TENT4B: variants seen among roughly 807,000 people sequenced by gnomAD.
TENT4B encodes terminal nucleotidyltransferase 4B, also known as PAP associated domain containing 5.
TENT4B carries 10 observed loss-of-function variants against 75.0 expected under a neutral mutation model. That is an observed-to-expected ratio of 0.13 (90% confidence interval 0.08 to 0.23). The LOEUF (loss-of-function observed/expected upper bound fraction) is 0.23, where lower values mean the gene tolerates loss of function less well. TENT4B is among the 10% of genes least tolerant of loss of function. The probability of loss-of-function intolerance (pLI) is 1.00; values close to 1 mark genes in which losing one functional copy is unlikely to be tolerated. For synonymous variants in TENT4B, 350 were observed against 357.7 expected (o/e 0.98, Z 0.24); for missense variants, 579 against 893.8 (o/e 0.65, Z 4.49).
chr16:50,222,206 C>T (rs761790062), intron 5 of TENT4B, 100 bp from the exon 6 acceptor site: 1 of 1,129,548 alleles, frequency 8.9e-7, no homozygotes, highest in Non-Finnish European at 1.2e-6. Flanking sequence ...TTGTATATCT[C>T]TACCAAATTT....
Position 50,153,502 on chromosome 16 carries a change from G to A in TENT4B, c.-120G>A. On this transcript the variant is annotated 5_prime_UTR_variant, in exon 1 of 12. Transcript: ENST00000561678. Reference sequence around the variant, plus strand: ...CGGCGGGCCCCGAGCAGCAGCAGCAGCAGCAGCGGCAGCAGCGGCAGCAGC... The same window carrying A: ...CGGCGGGCCCCGAGCAGCAGCAGCAACAGCAGCGGCAGCAGCGGCAGCAGC... 1 of 251,056 alleles carries A rather than the reference G, an allele frequency of 4.0e-6. No individual in the cohort carries two copies. Among genetic ancestry groups the A allele is most frequent in the Non-Finnish European group, 6.2e-6 (1 of 161,966 alleles). The allele number at this position is 251,056 out of a possible 1,614,324, so 15.6% of individuals were successfully genotyped here.
chr16:50,234,330 G>A lies in TENT4B; in HGVS notation c.*5002G>A. ...GGAATTGGGTAGGGGAGGGAAAGGAGGACTTGGAAAAGCATTCTCCAAAGC... is the reference window on the plus strand; with the variant it reads ...GGAATTGGGTAGGGGAGGGAAAGGAAGACTTGGAAAAGCATTCTCCAAAGC... On this transcript the variant is annotated 3_prime_UTR_variant, in exon 12 of 12. Transcript: ENST00000561678. 2 of 978,420 alleles carry A rather than the reference G, an allele frequency of 2.0e-6. No homozygotes were observed. Among genetic ancestry groups the A allele is most frequent in the Non-Finnish European group, 2.4e-6 (2 of 827,726 alleles). 60.6% of individuals were successfully genotyped at this position (978,420 alleles called of 1,614,324 possible).
chr16:50,183,964 A>G (rs1339910013), intron 1 of TENT4B, among the ~76,000 whole-genome samples: 1 of 152,174 alleles, frequency 6.6e-6, no homozygotes, highest in African/African-American at 2.4e-5. Flanking sequence ...ATGTATTCCT[A>G]GAGTTGTGCA....
Position 50,234,906 on chromosome 16 carries a change from G to T in TENT4B, c.*5578G>T, listed in dbSNP as rs3814283. The T allele has an allele frequency of 0.74, 725,040 of 985,056 alleles. 266,999 individuals are homozygous for T. Among genetic ancestry groups the T allele is most frequent in the South Asian group, 0.76 (16,219 of 21,270 alleles). The allele number at this position is 985,056 out of a possible 1,614,324, so 61.0% of individuals were successfully genotyped here. ...TATTTGTTTTTAGTAACCTTTTTAT[G>T]TATTTCCTTCTTTGATTAGCATTGT... On this transcript the variant is annotated 3_prime_UTR_variant, in exon 12 of 12. Transcript: ENST00000561678.
At chr16:50,154,357 C>T (rs1203412890) in intron 1 of TENT4B, 98 bp downstream of exon 1, 3 of 1,341,314 alleles carry the variant, frequency 2.2e-6, no homozygotes, top group South Asian at 2.0e-5. Context: ...GGAGCGGCCA[C>T]CCCCACGGCC....
Position 50,215,457 on chromosome 16 carries a change from A to G in TENT4B, c.810-618A>G, listed in dbSNP as rs544917841. Among the ~76,000 whole-genome samples, 545 of 152,340 alleles carry G rather than the reference A, an allele frequency of 3.6e-3. 3 individuals carry two copies. Among genetic ancestry groups the G allele is most frequent in the Admixed American group, 5.6e-3 (86 of 15,304 alleles). The stretch of plus-strand genomic sequence containing the variant: ...TAAAACATGAAAAATCACCTTTCTT[A>G]AAAAATTTAATTAAATTTTATGAAT... On this transcript the variant is annotated intron_variant, in intron 3 of 11. Coordinates refer to ENST00000561678, the MANE Select transcript of TENT4B (RefSeq NM_001365324.3).
At chr16:50,170,703 G>C (rs914758621) in intron 1 of TENT4B, among the ~76,000 whole-genome samples, 9 of 151,630 alleles carry the variant, frequency 5.9e-5, no homozygotes, top group African/African-American at 2.2e-4. Flanking sequence ...GTCTCACCCT[G>C]TCATCCAGGC....
chr16:50,221,095 C>T lies in TENT4B; in HGVS notation c.1039-1211C>T, dbSNP rs533007493. Among the ~76,000 whole-genome samples the T allele has an allele frequency of 2.6e-5, 4 of 152,020 alleles. No homozygotes were observed. The South Asian group carries it at 6.2e-4, about 24-fold the overall frequency. On this transcript the variant is annotated intron_variant, in intron 5 of 11. Coordinates refer to ENST00000561678, the MANE Select transcript of TENT4B (RefSeq NM_001365324.3). ...TGAGCTTAGGAGTTCAAGACCAGCC[C>T]GGGCAATGTGGTGAAACCCTGTCTC...
chr16:50,227,825 G>A lies in TENT4B; in HGVS notation c.1801-14G>A, dbSNP rs2032120652. The A allele has an allele frequency of 6.2e-7, 1 of 1,613,644 alleles. No individual in the cohort carries two copies. Among genetic ancestry groups the A allele is most frequent in the Admixed American group, 1.7e-5 (1 of 59,992 alleles). On this transcript the variant is annotated splice_polypyrimidine_tract_variant and intron_variant, in intron 10 of 11. Coordinates refer to ENST00000561678, the MANE Select transcript of TENT4B (RefSeq NM_001365324.3). ...ACTAATATGTCACATTATAACTCAC[G>A]TGACTTGTGTTAGGATTCCGATGCA...
rs1466669797 is a variant in TENT4B, at chr16:50,230,953, G to C, written c.*1625G>C. On this transcript the variant is annotated 3_prime_UTR_variant, in exon 12 of 12. Coordinates refer to ENST00000561678, the MANE Select transcript of TENT4B (RefSeq NM_001365324.3). ...CATATAAAGTACTATTGGCTTTTAG[G>C]AGTTTCTTTTATATACATTTATGAA... 2.0e-6 allele frequency: 2 copies of C among 979,398 alleles called. No homozygotes were observed. Among genetic ancestry groups the C allele is most frequent in the Admixed American group, 1.2e-4 (2 of 16,234 alleles). The allele number at this position is 979,398 out of a possible 1,614,324, so 60.7% of individuals were successfully genotyped here.
chr16:50,188,794 A>G (rs2038584619), intron 1 of TENT4B, among the ~76,000 whole-genome samples: 1 of 152,166 alleles, frequency 6.6e-6, no homozygotes, highest in Non-Finnish European at 1.5e-5. Context: ...TGAGGGCTGT[A>G]GTGAGCTGTG....
At chr16:50,218,080 G>T (rs148555799) in intron 5 of TENT4B, among the ~76,000 whole-genome samples, 2 of 151,698 alleles carry the variant, frequency 1.3e-5, no homozygotes, top group African/African-American at 4.9e-5. Flanking sequence ...TGTATGCAAC[G>T]GTTTTGCTTT....
chr16:50,228,106 T>C (rs2032139439), intron 11 of TENT4B, 103 bp downstream of exon 11: 7 of 1,374,652 alleles, frequency 5.1e-6, no homozygotes, highest in Middle Eastern at 2.4e-4. Flanking sequence ...AAACGCTAGA[T>C]TGAAGAACAA....
At chr16:50,175,910 G>A (rs889321209) in intron 1 of TENT4B, among the ~76,000 whole-genome samples, 18 of 151,914 alleles carry the variant, frequency 1.2e-4, no homozygotes, top group African/African-American at 4.1e-4. Context: ...AGCCTCCTGA[G>A]TAGCTGGGAC....
At chr16:50,174,433 AT>A (rs1174761689) in intron 1 of TENT4B, among the ~76,000 whole-genome samples, 1 of 152,058 alleles carries the variant, frequency 6.6e-6, no homozygotes, top group African/African-American at 2.4e-5. Context: ...GTATATGTGT[AT>A]TTTTTGATTC....
chr16:50,172,506 T>A (rs1433898777), intron 1 of TENT4B, among the ~76,000 whole-genome samples: 1 of 57,398 alleles, frequency 1.7e-5, no homozygotes, highest in African/African-American at 7.8e-5. Context: ...TAGAATTTAT[T>A]ACTTTTTTTT....
intron 1 of TENT4B, among the ~76,000 whole-genome samples, chr16:50,156,259 AG>A (rs1321611943): frequency 3.9e-5 from 6 of 152,068 alleles, no homozygotes; most frequent in African/African-American, 1.4e-4. Flanking sequence ...GAGACCTCCT[AG>A]TTTCAAAAAA....
chr16:50,175,199 A>G (rs1282248881), intron 1 of TENT4B, among the ~76,000 whole-genome samples: 6 of 152,150 alleles, frequency 3.9e-5, no homozygotes, highest in Admixed American at 3.9e-4. Flanking sequence ...CTTTTATTAG[A>G]TACGTGTTTT....
chr16:50,208,546 A>G (rs2150731117), intron 1 of TENT4B, among the ~76,000 whole-genome samples: 1 of 152,282 alleles, frequency 6.6e-6, no homozygotes, highest in South Asian at 2.1e-4. Flanking sequence ...GCTCTGAATC[A>G]TTCATCTGGA....
Sources: allele counts gnomAD v4.1 joint callset (sites outside exome capture counted in the v4.1 genomes callset), GRCh38; gene constraint gnomAD v4.1.1; transcripts MANE v1.5; gene names NCBI Gene and HGNC (gene_info 2026-07-23, HGNC 2026-07-21).